Variants in IDNK observed in about 807,000 individuals in gnomAD.
IDNK encodes the protein IDNK gluconokinase.
A neutral mutation model predicts 13.0 loss-of-function variants in IDNK; 9 were observed. The observed-to-expected ratio is 0.69, with a 90% CI of 0.42 to 1.21. The LOEUF (loss-of-function observed/expected upper bound fraction) is 1.21, where lower values mean the gene tolerates loss of function less well. IDNK is among the 50% of genes most tolerant of loss of function. The probability of loss-of-function intolerance (pLI) is 0.00; values close to 1 mark genes in which losing one functional copy is unlikely to be tolerated. For synonymous variants in IDNK, 92 were observed against 94.9 expected (o/e 0.97, Z 0.18); for missense variants, 210 against 237.8 (o/e 0.88, Z 0.77).
At chr9:83,631,799 G>A (rs1228699073) in intron 3 of IDNK, among the ~76,000 whole-genome samples, 1 of 152,056 alleles carries the variant, frequency 6.6e-6, no homozygotes, top group Non-Finnish European at 1.5e-5. Flanking sequence ...TTCTACCCAA[G>A]CTGTGATAAA....
intron 4 of IDNK, 58 bp downstream of exon 4, chr9:83,641,649 G>T (rs1455662529): frequency 6.4e-7 from 1 of 1,551,386 alleles, no homozygotes. Context: ...AAAACCCTCA[G>T]AAAAGACAGG....
Position 83,623,168 on chromosome 9 carries a change from G to C in IDNK, c.-4G>C. ...AGGCGACGGGAAGGAGCCGAGCTTG[G>C]GTTATGGCGGCGCCGGGCGCGCTGC... On this transcript the variant is annotated 5_prime_UTR_variant, in exon 1 of 5. Coordinates refer to ENST00000376419, the MANE Select transcript of IDNK (RefSeq NM_001001551.4). 1 of 1,421,734 alleles carries C rather than the reference G, an allele frequency of 7.0e-7. No individual in the cohort carries two copies. The highest frequency in any genetic ancestry group is 3.4e-5 in the Admixed American group (1 of 29,460). 88.1% of individuals were successfully genotyped at this position (1,421,734 alleles called of 1,614,324 possible). A position where few individuals can be genotyped will look rare whatever the true frequency, so the allele number is the denominator to read the frequency against.
intron 3 of IDNK, among the ~76,000 whole-genome samples, chr9:83,639,590 G>C (rs915200974): frequency 6.6e-6 from 1 of 152,180 alleles, no homozygotes; most frequent in African/African-American, 2.4e-5. Flanking sequence ...ATAATGAAAA[G>C]AGGGAGGTGG....
At chr9:83,638,269 T>G (rs12342901) in intron 3 of IDNK, among the ~76,000 whole-genome samples, 5 of 151,748 alleles carry the variant, frequency 3.3e-5, no homozygotes, top group Admixed American at 2.0e-4. Flanking sequence ...ATAGGAAAAT[T>G]TGAAAAAGAA....
At position 83,628,970 on chromosome 9, in the gene IDNK, C is replaced by G; in HGVS notation, c.168+11C>G. The G allele has an allele frequency of 6.2e-7, 1 of 1,603,896 alleles. No homozygotes were observed. The highest frequency in any genetic ancestry group is 1.1e-5 in the South Asian group (1 of 90,868). On this transcript the variant is annotated intron_variant, in intron 3 of 4. Coordinates refer to ENST00000376419, the MANE Select transcript of IDNK (RefSeq NM_001001551.4). ...CCGCTCAATGACCAGGTAACAATTGCTGTCTGTGTCCATCACACATATTCC... is the reference window on the plus strand; with the variant it reads ...CCGCTCAATGACCAGGTAACAATTGGTGTCTGTGTCCATCACACATATTCC...
chr9:83,626,582 A>C, intron 1 of IDNK: 1 of 576,624 alleles, frequency 1.7e-6, no homozygotes, highest in Non-Finnish European at 2.9e-6. Flanking sequence ...ACACCCAGCT[A>C]AGTTTTGTAT....
chr9:83,639,654 GA>G (rs1345051677), intron 3 of IDNK, among the ~76,000 whole-genome samples: 2 of 152,158 alleles, frequency 1.3e-5, no homozygotes, highest in Non-Finnish European at 2.9e-5. Context: ...TAATTTCAGT[GA>G]AAAATATCAA....
chr9:83,643,526 A>C lies in IDNK; in HGVS notation c.310A>C (p.Lys104Gln), dbSNP rs562152825. 2 of 1,613,740 alleles carry C rather than the reference A, an allele frequency of 1.2e-6. No individual in the cohort carries two copies. Among genetic ancestry groups the C allele is most frequent in the African/African-American group, 2.7e-5 (2 of 74,904 alleles). Reference protein sequence around the residue: ...LTQGKDGVALKCEESGKEAKQ... With the variant: ...LTQGKDGVALQCEESGKEAKQ... ...ACAAGGAAAAGATGGTGTAGCTCTG[A>C]AGTGTGAGGAGTCGGGAAAGGAAGC... is the stretch of plus-strand genomic sequence containing the variant. Residue 104 changes from lysine (K) to glutamine (Q), a missense_variant, in exon 5 of 5, where the codon AAG (lysine) becomes CAG (glutamine). Lys to Gln is a moderately conservative substitution (Grantham distance 53). Transcript: ENST00000376419.
At chr9:83,636,607 A>C (rs564583956) in intron 3 of IDNK, among the ~76,000 whole-genome samples, 3 of 152,360 alleles carry the variant, frequency 2.0e-5, no homozygotes, top group African/African-American at 7.2e-5. Flanking sequence ...CTCCAAGAGC[A>C]CATAAAGTCT....
chr9:83,631,046 A>C (rs1830996259), intron 3 of IDNK, among the ~76,000 whole-genome samples: 1 of 152,202 alleles, frequency 6.6e-6, no homozygotes, highest in Admixed American at 6.5e-5. Context: ...ATAAGAATCC[A>C]ACGAGTCTAA....
intron 3 of IDNK, among the ~76,000 whole-genome samples, chr9:83,634,158 G>GAA (rs1405981432): frequency 1.3e-5 from 2 of 152,180 alleles, no homozygotes; most frequent in Non-Finnish European, 2.9e-5. Context: ...ATTTAATTAT[G>GAA]ATTCACTATT....
chr9:83,630,248 T>C (rs1336316313), intron 3 of IDNK, among the ~76,000 whole-genome samples: 1 of 152,210 alleles, frequency 6.6e-6, no homozygotes, highest in Non-Finnish European at 1.5e-5. Context: ...CTTCAGGCCT[T>C]GAATCATCAC....
At chr9:83,623,115 G>C, upstream of IDNK, 1 of 1,379,700 alleles carries the variant, frequency 7.2e-7, no homozygotes, top group Non-Finnish European at 9.4e-7. Flanking sequence ...CTCGAGCGCC[G>C]GGTAGGCCGG....
At position 83,643,700 on chromosome 9, in the gene IDNK, G is replaced by A. The variant is rs1831381409; in HGVS notation, c.484G>A (p.Glu162Lys). ...FETLEPPAAPENFIQISVDKN... is the reference protein window; with the variant it reads ...FETLEPPAAPKNFIQISVDKN... ...GACTCTGGAGCCCCCAGCAGCTCCA[G>A]AAAACTTTATCCAAATAAGTGTGGA... The change falls in exon 5 of 5, where the codon GAA becomes AAA. Residue 162 changes from glutamate (E) to lysine (K), a missense_variant. Glu to Lys is a moderately conservative substitution (Grantham distance 56, BLOSUM62 1). Coordinates refer to ENST00000376419, the MANE Select transcript of IDNK (RefSeq NM_001001551.4). The A allele has an allele frequency of 6.2e-7, 1 of 1,613,900 alleles. No individual in the cohort carries two copies. Among genetic ancestry groups the A allele is most frequent in the African/African-American group, 1.3e-5 (1 of 74,924 alleles).
chr9:83,627,323 A>G (rs1426423646), intron 1 of IDNK, among the ~76,000 whole-genome samples: 1 of 152,224 alleles, frequency 6.6e-6, no homozygotes, highest in African/African-American at 2.4e-5. Context: ...TACCCTATGT[A>G]CTAGACTGTT....
chr9:83,643,079 G>A (rs770758658), intron 4 of IDNK, among the ~76,000 whole-genome samples: 7 of 152,192 alleles, frequency 4.6e-5, no homozygotes, highest in East Asian at 1.9e-4. Flanking sequence ...ACAGAGCAAC[G>A]TCTGACATCC....
intron 4 of IDNK, 128 bp from the exon 5 acceptor site, chr9:83,643,301 A>C (rs764917763): frequency 2.8e-6 from 2 of 703,650 alleles, no homozygotes; most frequent in Non-Finnish European, 4.7e-6. Context: ...CTGATGCTTA[A>C]ACACCATTTT....
intron 3 of IDNK, among the ~76,000 whole-genome samples, chr9:83,631,224 T>C (rs933749914): frequency 2.6e-5 from 4 of 151,536 alleles, no homozygotes; most frequent in African/African-American, 9.7e-5. Context: ...TGGTTCTCCC[T>C]TGAGGAAGAG....
intron 3 of IDNK, among the ~76,000 whole-genome samples, chr9:83,632,853 CCTT>C (rs1240131848): frequency 1.3e-5 from 2 of 152,176 alleles, no homozygotes; most frequent in Admixed American, 6.5e-5. Context: ...TCTAATATCT[CCTT>C]CTTCCAATTT....
Sources: gnomAD v4.1 joint callset for allele counts (sites outside exome capture counted in the v4.1 genomes callset) on GRCh38, gnomAD v4.1.1 for gene constraint, MANE v1.5 for transcripts, NCBI Gene and HGNC (gene_info 2026-07-23, HGNC 2026-07-21) for gene names.